Variants in HAPLN3 observed in about 807,000 individuals in gnomAD.
The protein encoded by HAPLN3 is hyaluronan and proteoglycan link protein 3, also known as extracellular link domain containing, 1.
A neutral mutation model predicts 28.1 loss-of-function variants in HAPLN3; 28 were observed. The ratio of observed to expected loss-of-function variants is 1.00; its 90% confidence interval spans 0.74 to 1.37. The LOEUF (loss-of-function observed/expected upper bound fraction) is 1.37. HAPLN3 is among the 40% of genes most tolerant of loss of function. The pLI is 0.00. For missense variants in HAPLN3, 513 were observed against 504.6 expected (o/e 1.02, Z -0.16); for synonymous variants, 211 against 213.1 (o/e 0.99, Z 0.09).
intron 1 of HAPLN3, chr15:88,893,139 G>A (rs761218290): frequency 2.8e-6 from 2 of 721,956 alleles, no homozygotes; most frequent in South Asian, 3.0e-5. Flanking sequence ...CTTAAGGCCG[G>A]GTGCAGTGGC....
rs1210709743 is a variant in HAPLN3, at chr15:88,881,315, C to T, written c.493+42G>A. ...GTTTTCTCTGGTCCTCTCCCCTCTG[C>T]TCTCAGGTCCCAGTGTCACCCAGTC... On this transcript the variant is annotated intron_variant, in intron 3 of 4. Coordinates refer to ENST00000359595, the MANE Select transcript of HAPLN3 (RefSeq NM_178232.4). The surrounding 1 kb of genome is among the most constrained non-coding windows in gnomAD (Gnocchi z 6.0). 1.9e-6 allele frequency: 3 copies of T among 1,577,106 alleles called. No homozygotes were observed. The African/African-American group carries it at 4.0e-5, about 21-fold the overall frequency.
chr15:88,893,186 G>A (rs1400952452), intron 1 of HAPLN3: 1 of 684,340 alleles, frequency 1.5e-6, no homozygotes. Flanking sequence ...GGGAAGCTGA[G>A]GGGGTGGATC....
intron 4 of HAPLN3, among the ~76,000 whole-genome samples, chr15:88,878,565 A>G (rs1231682700): frequency 6.6e-6 from 1 of 152,128 alleles, no homozygotes; most frequent in Non-Finnish European, 1.5e-5. Flanking sequence ...CTGAACACCT[A>G]CTATGTGTCA....
rs1181595075 is a variant in HAPLN3, at chr15:88,881,444, G to A, written c.406C>T (p.Leu136=). Residue 136 remains leucine (L), a synonymous_variant, in exon 3 of 5, where the codon CTG becomes TTG. Transcript: ENST00000359595. The surrounding 1 kb of genome is among the most constrained non-coding windows in gnomAD (Gnocchi z 6.0). Reference sequence around the variant, plus strand: ...TAACGCCCATAGTCCTCCAGCCGCAGATCCTGGATCTCCAGCGAGACGTCA... The same window carrying A: ...TAACGCCCATAGTCCTCCAGCCGCAAATCCTGGATCTCCAGCGAGACGTCA... ...EHDVSLEIQD[L]RLEDYGRYRC... The A allele has an allele frequency of 6.2e-7, 1 of 1,614,068 alleles. No homozygotes were observed. The highest frequency in any genetic ancestry group is 1.1e-5 in the South Asian group (1 of 91,084).
At chr15:88,883,305 C>G (rs1897757581) in intron 2 of HAPLN3, among the ~76,000 whole-genome samples, 2 of 152,254 alleles carry the variant, frequency 1.3e-5, no homozygotes, top group South Asian at 4.1e-4. Context: ...TAGAGCTGTC[C>G]TGCTCTGCAG....
chr15:88,878,700 G>A (rs571489110), intron 4 of HAPLN3, among the ~76,000 whole-genome samples: 6 of 152,346 alleles, frequency 3.9e-5, no homozygotes, highest in Admixed American at 1.3e-4. Context: ...ATTCCCGAGA[G>A]CCTAGTCTAG....
In HAPLN3 at chr15:88,895,237, C is replaced by T. The variant is rs370194347; in HGVS notation, c.-48+222G>A. On this transcript the variant is annotated intron_variant, in intron 1 of 4. Coordinates refer to ENST00000359595, the MANE Select transcript of HAPLN3 (RefSeq NM_178232.4). The surrounding 1 kb of genome is among the most constrained non-coding windows in gnomAD (Gnocchi z 5.5). ...ACGGTGGGCACGAGGGTCCGGCGCC[C>T]GCATCCCCGCGCCGCTCCCTCCCCA... 2.8e-4 allele frequency among the ~76,000 whole-genome samples: 42 copies of T among 152,244 alleles called. No homozygotes were observed. The East Asian group carries it at 5.6e-3, about 20-fold the overall frequency.
At chr15:88,883,195 C>A (rs1328226111) in intron 2 of HAPLN3, among the ~76,000 whole-genome samples, 1 of 152,202 alleles carries the variant, frequency 6.6e-6, no homozygotes, top group African/African-American at 2.4e-5. Flanking sequence ...GCATTAGCAT[C>A]ACCAGGAATT....
rs1287628351 is a variant in HAPLN3 at position 88,879,910 on chromosome 15, AAGTT to A, written c.494-645_494-642del. ...GTGTTTGAAATTTTACTCTAATAAA[AAGTT>A]TTTAAACTTCTGAGATGTAGTCTCT... is the stretch of plus-strand genomic sequence containing the variant. On this transcript the variant is annotated intron_variant, in intron 3 of 4. Coordinates refer to ENST00000359595, the MANE Select transcript of HAPLN3 (RefSeq NM_178232.4). This position sits in a 1 kb window ranked among gnomAD's most constrained non-coding sequence, Gnocchi z 5.0. 2.0e-6 allele frequency: 2 copies of A among 1,014,296 alleles called. No homozygotes were observed. Among genetic ancestry groups the A allele is most frequent in the African/African-American group, 3.5e-5 (2 of 57,710 alleles). 62.8% of individuals were successfully genotyped at this position (1,014,296 alleles called of 1,614,324 possible).
intron 2 of HAPLN3, 81 bp downstream of exon 2, chr15:88,887,094 G>A: frequency 6.7e-7 from 1 of 1,490,100 alleles, no homozygotes; most frequent in Non-Finnish European, 9.4e-7. Flanking sequence ...GTCCCAGCCT[G>A]GAACCCTCAG....
chr15:88,887,051 C>G, intron 2 of HAPLN3, 124 bp downstream of exon 2: 1 of 1,088,408 alleles, frequency 9.2e-7, no homozygotes, highest in Admixed American at 1.8e-5. Context: ...TGGCCCACTA[C>G]AAGGGCCCTG....
chr15:88,893,526 G>A (rs1272567843), intron 1 of HAPLN3, among the ~76,000 whole-genome samples: 1 of 152,082 alleles, frequency 6.6e-6, no homozygotes. Context: ...TCAGGCTCTA[G>A]AAGCAGATTG....
Position 88,879,816 on chromosome 15 carries a change from T to C in HAPLN3, c.494-547A>G. ...AAGGAGGCTCAAGGGCAGGGAGGTC[T>C]GGGGCAGGCGGTTTCTCTCCTTGTG... On this transcript the variant is annotated intron_variant, in intron 3 of 4. Coordinates refer to ENST00000359595, the MANE Select transcript of HAPLN3 (RefSeq NM_178232.4). This position sits in a 1 kb window ranked among gnomAD's most constrained non-coding sequence, Gnocchi z 5.0. 2 of 1,080,356 alleles carry C rather than the reference T, an allele frequency of 1.9e-6. No individual in the cohort carries two copies. The highest frequency in any genetic ancestry group is 2.3e-6 in the Non-Finnish European group (2 of 886,454). The allele number at this position is 1,080,356 out of a possible 1,614,324, so 66.9% of individuals were successfully genotyped here. A position where few individuals can be genotyped will look rare whatever the true frequency, so the allele number is the denominator to read the frequency against.
At chr15:88,886,718 G>A (rs192815351) in intron 2 of HAPLN3, among the ~76,000 whole-genome samples, 27 of 152,218 alleles carry the variant, frequency 1.8e-4, no homozygotes, top group East Asian at 1.9e-4. Flanking sequence ...CCAGCTACTC[G>A]GGAGGCCGAG....
intron 1 of HAPLN3, among the ~76,000 whole-genome samples, chr15:88,890,557 C>T (rs1021271879): frequency 3.3e-5 from 5 of 152,324 alleles, no homozygotes; most frequent in African/African-American, 1.2e-4. Flanking sequence ...TAACAGAGGT[C>T]TAGATGGGTG....
At chr15:88,884,342 A>C (rs1596169644) in intron 2 of HAPLN3, among the ~76,000 whole-genome samples, 1 of 152,176 alleles carries the variant, frequency 6.6e-6, no homozygotes, top group South Asian at 2.1e-4. Flanking sequence ...AGGCGGGCGG[A>C]TCAGGCGGTC....
chr15:88,885,204 C>T (rs61202493), intron 2 of HAPLN3, among the ~76,000 whole-genome samples: 21,488 of 152,282 alleles, frequency 0.14, 1,843 homozygotes, highest in South Asian at 0.27. Flanking sequence ...GCTGTGCGCT[C>T]TTCATGGCAG....
At position 88,877,904 on chromosome 15, in the gene HAPLN3, G is replaced by A; in HGVS notation, c.*66C>T. The A allele has an allele frequency of 6.8e-7, 1 of 1,460,676 alleles. No homozygotes were observed. The allele number at this position is 1,460,676 out of a possible 1,614,324, so 90.5% of individuals were successfully genotyped here. On this transcript the variant is annotated 3_prime_UTR_variant, in exon 5 of 5. Transcript: ENST00000359595. This position sits in a 1 kb window ranked among gnomAD's most constrained non-coding sequence, Gnocchi z 5.1. ...CAGTTAAAATGGCTCCAACCCACAA[G>A]GGAAAACGAACCACTCAATAAATAC...
chr15:88,887,835 T>A (rs1431015805), intron 1 of HAPLN3, among the ~76,000 whole-genome samples: 3 of 151,848 alleles, frequency 2.0e-5, no homozygotes, highest in Non-Finnish European at 4.4e-5. Flanking sequence ...TGGTGTCACA[T>A]GTCTGTAATC....
Sources: allele counts gnomAD v4.1 joint callset (sites outside exome capture counted in the v4.1 genomes callset), GRCh38; gene constraint gnomAD v4.1.1; non-coding constraint Gnocchi (gnomAD v3.1); transcripts MANE v1.5; gene names NCBI Gene and HGNC (gene_info 2026-07-23, HGNC 2026-07-21).